THSD7B: variants seen among roughly 807,000 people sequenced by gnomAD.
THSD7B encodes the protein thrombospondin type-1 domain-containing protein 7B.
In THSD7B, 138 loss-of-function variants were observed where a neutral mutation model predicts 213.6. The ratio of observed to expected loss-of-function variants is 0.65; its 90% CI spans 0.56 to 0.74. The LOEUF is 0.74. THSD7B is among the 30% of genes least tolerant of loss of function. THSD7B has a pLI of 0.00. For synonymous variants in THSD7B, 742 were observed against 687.0 expected (o/e 1.08, Z -1.25); for missense variants, 1,931 against 1,991.5 (o/e 0.97, Z 0.58).
At chr2:137,072,061 T>G (rs1289204624) in intron 3 of THSD7B, among the ~76,000 whole-genome samples, 1 of 152,276 alleles carries the variant, frequency 6.6e-6, no homozygotes, top group East Asian at 1.9e-4. Flanking sequence ...AGCTTCGTTC[T>G]TTGGCTTAGG....
chr2:137,211,459 C>A (rs1030429342), intron 7 of THSD7B, among the ~76,000 whole-genome samples: 1 of 151,606 alleles, frequency 6.6e-6, no homozygotes, highest in South Asian at 2.1e-4. Context: ...AAAAATTAAA[C>A]CATCACATTA....
intron 1 of THSD7B, among the ~76,000 whole-genome samples, chr2:136,825,717 A>ATTTT (rs1463759620): frequency 9.4e-5 from 5 of 53,184 alleles, no homozygotes; most frequent in Non-Finnish European, 1.9e-4. Flanking sequence ...ATGCCTGGCT[A>ATTTT]ATTTTTTTTT....
chr2:137,391,445 T>C (rs1301903548), intron 12 of THSD7B, among the ~76,000 whole-genome samples: 1 of 152,172 alleles, frequency 6.6e-6, no homozygotes, highest in Non-Finnish European at 1.5e-5. Context: ...TCCCAGCATT[T>C]TGGGAGGCCA....
intron 12 of THSD7B, among the ~76,000 whole-genome samples, chr2:137,363,834 T>C (rs1021194639): frequency 5.9e-5 from 9 of 152,124 alleles, no homozygotes; most frequent in Non-Finnish European, 1.2e-4. Flanking sequence ...GGTACCATTC[T>C]TTCTGAAACT....
intron 12 of THSD7B, among the ~76,000 whole-genome samples, chr2:137,295,939 C>T (rs947234718): frequency 1.3e-5 from 2 of 152,154 alleles, no homozygotes; most frequent in East Asian, 3.9e-4. Context: ...TATGATCTGA[C>T]CTCTTTCACT....
intron 12 of THSD7B, among the ~76,000 whole-genome samples, chr2:137,313,518 T>C (rs1376233365): frequency 6.6e-6 from 1 of 151,592 alleles, no homozygotes; most frequent in East Asian, 1.9e-4. Context: ...TTAAAGTTAA[T>C]ATTGTTATGT....
At chr2:137,098,233 A>C (rs1390860050) in intron 4 of THSD7B, among the ~76,000 whole-genome samples, 3 of 152,184 alleles carry the variant, frequency 2.0e-5, no homozygotes, top group Admixed American at 2.0e-4. Flanking sequence ...GTTTTTAAAA[A>C]ATCTTTTAGA....
chr2:137,114,963 G>A (rs1326090067), intron 4 of THSD7B, among the ~76,000 whole-genome samples, 161 bp from the exon 5 acceptor site: 1 of 152,094 alleles, frequency 6.6e-6, no homozygotes, highest in Non-Finnish European at 1.5e-5. Flanking sequence ...GGAAATAAAA[G>A]GGATTTAGTA....
chr2:137,673,712 T>G (rs946708179), intron 27 of THSD7B, among the ~76,000 whole-genome samples: 1 of 152,182 alleles, frequency 6.6e-6, no homozygotes, highest in Admixed American at 6.5e-5. Context: ...TGAGGTTCTT[T>G]TTTACTGGCC....
At chr2:137,553,118 T>G (rs1680882620) in intron 15 of THSD7B, among the ~76,000 whole-genome samples, 1 of 152,144 alleles carries the variant, frequency 6.6e-6, no homozygotes, top group African/African-American at 2.4e-5. Context: ...GAATATGACT[T>G]GCCAGGATCT....
chr2:137,015,040 T>G (rs2104837745), intron 2 of THSD7B, among the ~76,000 whole-genome samples: 1 of 152,248 alleles, frequency 6.6e-6, no homozygotes, highest in East Asian at 1.9e-4. Context: ...AATTCATTTT[T>G]GTCTCATATC....
chr2:137,562,560 T>G (rs987294334), intron 15 of THSD7B, among the ~76,000 whole-genome samples: 1 of 151,406 alleles, frequency 6.6e-6, no homozygotes, highest in Non-Finnish European at 1.5e-5. Flanking sequence ...TCAGTAATCA[T>G]GCAGAGCCAG....
At chr2:137,080,388 T>TC (rs1477484115) in intron 3 of THSD7B, among the ~76,000 whole-genome samples, 1 of 128,204 alleles carries the variant, frequency 7.8e-6, no homozygotes, top group African/African-American at 3.2e-5. Flanking sequence ...TTTTTTTTTT[T>TC]TTTTAAATAG....
At chr2:136,998,911 C>CACAA (rs1209524484) in intron 2 of THSD7B, among the ~76,000 whole-genome samples, 783 of 27,558 alleles carry the variant, frequency 0.028, 8 homozygotes, top group East Asian at 0.096. Context: ...ACCCAACAGA[C>CACAA]ACACACACAC....
chr2:137,091,008 T>C (rs888565968), intron 3 of THSD7B, among the ~76,000 whole-genome samples: 3 of 152,186 alleles, frequency 2.0e-5, no homozygotes, highest in African/African-American at 7.2e-5. Context: ...AGACCAGAGC[T>C]CAACATGTTA....
chr2:136,784,041 T>C (rs1681793803), intron 1 of THSD7B, among the ~76,000 whole-genome samples: 1 of 152,214 alleles, frequency 6.6e-6, no homozygotes, highest in Non-Finnish European at 1.5e-5. Flanking sequence ...GTTCTAAGAA[T>C]GTGTGTCGTG....
At chr2:137,237,915 G>T (rs993078384) in intron 9 of THSD7B, among the ~76,000 whole-genome samples, 4 of 152,262 alleles carry the variant, frequency 2.6e-5, no homozygotes, top group Admixed American at 2.0e-4. Context: ...AAAATAACTT[G>T]CATTTCCAGG....
chr2:137,009,009 A>T lies in THSD7B; in HGVS notation c.140-47411A>T, dbSNP rs1186014622. On this transcript the variant is annotated intron_variant, in intron 2 of 27. Coordinates refer to ENST00000409968, the MANE Select transcript of THSD7B (RefSeq NM_001316349.2). ...GGGGCTCTTTTGTTCTTCTGCAGAC[A>T]GTAAAGAACAGAATAAATTAAAAAT... Among the ~76,000 whole-genome samples the T allele has an allele frequency of 5.3e-5, 8 of 152,342 alleles. No individual in the cohort carries two copies. The East Asian group carries it at 1.5e-3, about 29-fold the overall frequency.
chr2:136,977,451 C>G (rs1249101639), intron 2 of THSD7B, among the ~76,000 whole-genome samples: 1 of 152,048 alleles, frequency 6.6e-6, no homozygotes, highest in East Asian at 1.9e-4. Context: ...TTCTGTATGT[C>G]TATCTCCTTC....
Sources: allele counts gnomAD v4.1 joint callset (sites outside exome capture counted in the v4.1 genomes callset), GRCh38; gene constraint gnomAD v4.1.1; transcripts MANE v1.5; gene names NCBI Gene and HGNC (gene_info 2026-07-23, HGNC 2026-07-21).